The following ZNF664 variants were observed in gnomAD, a reference collection of about 807,000 sequenced individuals.
ZNF664 encodes zinc finger Organ of Corti 1.
A neutral mutation model predicts 18.2 loss-of-function variants in ZNF664; 10 were observed. The ratio of observed to expected loss-of-function variants is 0.55; its 90% confidence interval spans 0.34 to 0.93. The LOEUF is 0.93. ZNF664 is among the 40% of genes least tolerant of loss of function. The pLI is 0.02. For missense variants in ZNF664, 193 were observed against 319.0 expected (o/e 0.61, Z 3.01); for synonymous variants, 119 against 104.2 (o/e 1.14, Z -0.86).
chr12:124,007,556 G>A (rs1957087296), intron 3 of ZNF664, among the ~76,000 whole-genome samples: 1 of 152,190 alleles, frequency 6.6e-6, no homozygotes, highest in African/African-American at 2.4e-5. Flanking sequence ...TCATTCTCCT[G>A]TGCTCAGGAT....
intron 3 of ZNF664, among the ~76,000 whole-genome samples, chr12:123,997,543 C>A (rs750480667): frequency 6.6e-6 from 1 of 152,176 alleles, no homozygotes; most frequent in Non-Finnish European, 1.5e-5. Flanking sequence ...ACTTCACTCT[C>A]TGCAGTCATC....
intron 2 of ZNF664, among the ~76,000 whole-genome samples, chr12:123,983,163 A>C (rs1016363307): frequency 1.2e-4 from 18 of 152,322 alleles, no homozygotes; most frequent in Non-Finnish European, 2.4e-4. Flanking sequence ...ATAAAAAAAG[A>C]AAGCAAGCAA....
chr12:123,985,434 A>G (rs1956812579), intron 2 of ZNF664, among the ~76,000 whole-genome samples: 1 of 152,204 alleles, frequency 6.6e-6, no homozygotes, highest in African/African-American at 2.4e-5. Context: ...TTTTTGATTT[A>G]CTATTCTGAC....
rs371301861 is a variant in ZNF664 at position 123,992,259 on chromosome 12, TG to T, written c.-661+4123del. Among the ~76,000 whole-genome samples, 278 of 152,232 alleles carry T rather than the reference TG, an allele frequency of 1.8e-3. 3 individuals are homozygous for T. Among genetic ancestry groups the T allele is most frequent in the African/African-American group, 6.2e-3 (259 of 41,524 alleles). On this transcript the variant is annotated intron_variant, in intron 3 of 4. Transcript: ENST00000337815. ...GTGGAGACGAGGTCCTAGGAGTGTCTGGAAGGACTGTTGTCAGTTTCTCTCC... is the reference window on the plus strand; with the variant it reads ...GTGGAGACGAGGTCCTAGGAGTGTCTGAAGGACTGTTGTCAGTTTCTCTCC...
rs1292303200 is a variant in ZNF664 at position 124,011,939 on chromosome 12, T to C, written c.-206T>C. The C allele has an allele frequency of 1.4e-6, 2 of 1,393,002 alleles. No homozygotes were observed. The highest frequency in any genetic ancestry group is 9.2e-7 in the Non-Finnish European group (1 of 1,081,772). 86.3% of individuals were successfully genotyped at this position (1,393,002 alleles called of 1,614,324 possible). A position where few individuals can be genotyped will look rare whatever the true frequency, so the allele number is the denominator to read the frequency against. ...GTCACTTTATAATCGATAATAATAC[T>C]GAGTGAGGAACACTATGCAGGAAGA... On this transcript the variant is annotated 5_prime_UTR_variant, in exon 5 of 5. Transcript: ENST00000337815.
At chr12:124,011,140 T>G (rs1957132003) in intron 3 of ZNF664, among the ~76,000 whole-genome samples, 1 of 152,274 alleles carries the variant, frequency 6.6e-6, no homozygotes, top group Admixed American at 6.5e-5. Context: ...TACGATGTTT[T>G]ATCTCCAAAG....
chr12:124,005,483 A>ATGTGTGTGTGTGTGTGTGTGTG (rs202223166), intron 3 of ZNF664, among the ~76,000 whole-genome samples: 8 of 142,922 alleles, frequency 5.6e-5, no homozygotes, highest in African/African-American at 1.8e-4. Flanking sequence ...AATTTATAGA[A>ATGTGTGTGTGTGTGTGTGTGTG]TGTGTGTGTG....
rs900179680 is a variant in ZNF664, at chr12:124,012,975, C to G, written c.*45C>G. 3 of 1,585,934 alleles carry G rather than the reference C, an allele frequency of 1.9e-6. No homozygotes were observed. The Admixed American group carries it at 5.4e-5, about 29-fold the overall frequency. ...AAAATCTTAAAACCCATAAGTGCCA[C>G]TAGGAAGGAAACCCTGTATATACCT... On this transcript the variant is annotated 3_prime_UTR_variant, in exon 5 of 5. Coordinates refer to ENST00000337815, the MANE Select transcript of ZNF664 (RefSeq NM_152437.3).
Position 124,011,612 on chromosome 12 carries a change from G to A in ZNF664, c.-533G>A, listed in dbSNP as rs1171484765. On this transcript the variant is annotated 5_prime_UTR_variant, in exon 5 of 5. Transcript: ENST00000337815. The stretch of plus-strand genomic sequence containing the variant: ...GCTTGCCATACCTGGACCCCGAGGA[G>A]CCTGCTTGCTGGAAAGGCTTTCCTG... 8 of 1,005,186 alleles carry A rather than the reference G, an allele frequency of 8.0e-6. No individual in the cohort carries two copies. Among genetic ancestry groups the A allele is most frequent in the Non-Finnish European group, 9.5e-6 (8 of 845,628 alleles). The allele number at this position is 1,005,186 out of a possible 1,614,324, so 62.3% of individuals were successfully genotyped here.
chr12:124,003,684 A>T (rs1248362150), intron 3 of ZNF664: 1 of 152,198 alleles, frequency 6.6e-6, no homozygotes, highest in African/African-American at 2.4e-5. Flanking sequence ...GCGTGAGCCA[A>T]TGCGCCCAGC....
rs533805892 is a variant in ZNF664, at chr12:123,993,803, A to G, written c.-661+5665A>G. Among the ~76,000 whole-genome samples, 3 of 150,176 alleles carry G rather than the reference A, an allele frequency of 2.0e-5. No homozygotes were observed. The South Asian group carries it at 6.3e-4, about 31-fold the overall frequency. On this transcript the variant is annotated intron_variant, in intron 3 of 4. Coordinates refer to ENST00000337815, the MANE Select transcript of ZNF664 (RefSeq NM_152437.3). ...ATCTGCTGAGACTTGCCAAATTAGA[A>G]TTTGATGGCTTTGATTTCTGGGACT...
At chr12:123,974,128 A>C (rs1329740582) in intron 2 of ZNF664, 108 bp downstream of exon 2, 4 of 797,064 alleles carry the variant, frequency 5.0e-6, no homozygotes, top group East Asian at 3.4e-5. Flanking sequence ...CCGGCTTCTC[A>C]TGAACTCCGT....
At position 124,012,734 on chromosome 12, in the gene ZNF664, A is replaced by G. The variant is rs1566211251; in HGVS notation, c.590A>G (p.Lys197Arg). Residue 197 changes from lysine (K) to arginine (R), a missense_variant, in exon 5 of 5, where the codon AAA becomes AGA. Physicochemically the swap from Lys to Arg is conservative, Grantham distance 26. Around this residue, in one of 3 missense-constraint regions of ZNF664, gnomAD observed 61 missense variants for 153.7 expected, o/e 0.40. Coordinates refer to ENST00000337815, the MANE Select transcript of ZNF664 (RefSeq NM_152437.3). ...CACCAGAGAGTCCACACTGGAGAGAAACCCTATAGATGTTGTGGATGTGGG... is the reference window on the plus strand; with the variant it reads ...CACCAGAGAGTCCACACTGGAGAGAGACCCTATAGATGTTGTGGATGTGGG... ...CIHQRVHTGEKPYRCCGCGKA... is the reference protein window; with the variant it reads ...CIHQRVHTGERPYRCCGCGKA... 1 of 1,612,542 alleles carries G rather than the reference A, an allele frequency of 6.2e-7. No individual in the cohort carries two copies. The highest frequency in any genetic ancestry group is 1.1e-5 in the South Asian group (1 of 90,932).
chr12:124,011,034 G>A (rs1957130449), intron 3 of ZNF664, among the ~76,000 whole-genome samples: 1 of 152,200 alleles, frequency 6.6e-6, no homozygotes, highest in Non-Finnish European at 1.5e-5. Context: ...TTTATTTTAA[G>A]TACATCAGGA....
At position 124,012,989 on chromosome 12, in the gene ZNF664, CTGTA is replaced by C. The variant is rs1352940998; in HGVS notation, c.*61_*64del. On this transcript the variant is annotated 3_prime_UTR_variant, in exon 5 of 5. Coordinates refer to ENST00000337815, the MANE Select transcript of ZNF664 (RefSeq NM_152437.3). The stretch of plus-strand genomic sequence containing the variant: ...CATAAGTGCCACTAGGAAGGAAACC[CTGTA>C]TATACCTACATTGACCCAAGAAATA... 1 of 1,549,800 alleles carries C rather than the reference CTGTA, an allele frequency of 6.5e-7. No homozygotes were observed. Among genetic ancestry groups the C allele is most frequent in the East Asian group, 2.3e-5 (1 of 43,768 alleles).
At chr12:123,975,933 C>T (rs1405028139) in intron 2 of ZNF664, among the ~76,000 whole-genome samples, 1 of 152,106 alleles carries the variant, frequency 6.6e-6, no homozygotes, top group African/African-American at 2.4e-5. Flanking sequence ...AATTTGCAGG[C>T]TGCATCAGAG....
At chr12:124,003,978 C>T (rs986157171) in intron 3 of ZNF664, among the ~76,000 whole-genome samples, 2 of 152,112 alleles carry the variant, frequency 1.3e-5, no homozygotes, top group African/African-American at 2.4e-5. Flanking sequence ...TGCGGTGTCA[C>T]TGAGAGTAGG....
chr12:123,973,344 T>A lies in ZNF664; in HGVS notation c.-900T>A. The stretch of plus-strand genomic sequence containing the variant: ...CCGCGGCCTGGGGCGCTGACTCCCC[T>A]CACTTGGAGTGAGTTCTCGGCGGCC... On this transcript the variant is annotated 5_prime_UTR_variant, in exon 1 of 5. Coordinates refer to ENST00000337815, the MANE Select transcript of ZNF664 (RefSeq NM_152437.3). The A allele has an allele frequency of 1.1e-6, 1 of 943,558 alleles. No homozygotes were observed. Among genetic ancestry groups the A allele is most frequent in the Non-Finnish European group, 1.2e-6 (1 of 801,424 alleles). The allele number at this position is 943,558 out of a possible 1,614,324, so 58.4% of individuals were successfully genotyped here.
At chr12:123,979,969 C>A (rs1276036419) in intron 2 of ZNF664, among the ~76,000 whole-genome samples, 2 of 152,204 alleles carry the variant, frequency 1.3e-5, no homozygotes, top group Non-Finnish European at 2.9e-5. Flanking sequence ...CAGGCATGAG[C>A]CACCATGTCT....
Sources: allele counts gnomAD v4.1 joint callset (sites outside exome capture counted in the v4.1 genomes callset), GRCh38; gene constraint gnomAD v4.1.1; regional missense constraint gnomAD v4.1.1; transcripts MANE v1.5; gene names NCBI Gene and HGNC (gene_info 2026-07-23, HGNC 2026-07-21).